Variants in SAMD5 observed in about 807,000 individuals in gnomAD.
SAMD5 encodes the protein sterile alpha motif domain containing 5.
A neutral mutation model predicts 11.3 loss-of-function variants in SAMD5; 13 were observed. The ratio of observed to expected loss-of-function variants is 1.15; its 90% CI spans 0.75 to 1.83. SAMD5 has a LOEUF of 1.83. Ranked by LOEUF, SAMD5 falls within the 40% of genes most tolerant of loss-of-function variation. The pLI, the probability that SAMD5 is intolerant of heterozygous loss-of-function variation, is 0.00. For missense variants in SAMD5, 255 were observed against 239.1 expected (o/e 1.07, Z -0.44); for synonymous variants, 129 against 111.3 (o/e 1.16, Z -1.00).
intron 1 of SAMD5, among the ~76,000 whole-genome samples, chr6:147,521,303 C>A (rs1419339223): frequency 1.3e-5 from 2 of 151,908 alleles, no homozygotes; most frequent in African/African-American, 4.8e-5. Flanking sequence ...TGGTCTTAGA[C>A]CACTTCTTGT....
chr6:147,925,891 G>A, the SAMD5 span, among the ~76,000 whole-genome samples: 1 of 151,984 alleles, frequency 6.6e-6, no homozygotes, highest in African/African-American at 2.4e-5. Flanking sequence ...GTGTTCACTA[G>A]AAACATCTCA....
At chr6:147,703,382 A>T (rs781660490) in intron 1 of SAMD5, among the ~76,000 whole-genome samples, 1 of 152,106 alleles carries the variant, frequency 6.6e-6, no homozygotes, top group African/African-American at 2.4e-5. Flanking sequence ...ACTCACTTGT[A>T]ATTTGAATAG....
chr6:147,652,073 A>G (rs1469877022), intron 1 of SAMD5, among the ~76,000 whole-genome samples: 1 of 152,222 alleles, frequency 6.6e-6, no homozygotes, highest in Non-Finnish European at 1.5e-5. Context: ...ACGTATCTTA[A>G]TTGGTCAAAA....
the SAMD5 span, among the ~76,000 whole-genome samples, chr6:147,806,315 C>T: frequency 2.1e-4 from 26 of 126,754 alleles, no homozygotes; most frequent in East Asian, 4.6e-4. Flanking sequence ...CGCGCGCGCG[C>T]GCGCACACAC....
the SAMD5 span, among the ~76,000 whole-genome samples, chr6:147,769,171 ACAAAG>A: frequency 6.6e-6 from 1 of 152,242 alleles, no homozygotes; most frequent in African/African-American, 2.4e-5. Context: ...GAATTCAGAC[ACAAAG>A]CAAAGAGACT....
At chr6:147,807,142 C>CTTTGTTTTTTG in the SAMD5 span, among the ~76,000 whole-genome samples, 1 of 152,228 alleles carries the variant, frequency 6.6e-6, no homozygotes, top group South Asian at 2.1e-4. Context: ...CTCTGTCACC[C>CTTTGTTTTTTG]AGGCTGGAGT....
intron 1 of SAMD5, among the ~76,000 whole-genome samples, chr6:147,667,536 T>G (rs1221959748): frequency 1.9e-4 from 29 of 152,246 alleles, no homozygotes; most frequent in Admixed American, 1.9e-3. Context: ...GTTTGCATTT[T>G]CTGTGTGCAA....
intron 1 of SAMD5, among the ~76,000 whole-genome samples, chr6:147,595,205 A>T (rs1789511478): frequency 6.6e-6 from 1 of 152,238 alleles, no homozygotes; most frequent in Admixed American, 6.5e-5. Flanking sequence ...ATACATTTGG[A>T]ATGTTTGCAC....
the SAMD5 span, among the ~76,000 whole-genome samples, chr6:147,944,398 G>T: frequency 2.6e-5 from 4 of 152,280 alleles, no homozygotes; most frequent in South Asian, 6.2e-4. Context: ...GAGAGCTTGT[G>T]CAGGGAAACT....
Position 147,669,135 on chromosome 6 carries a change from A to G in SAMD5, c.163-68182A>G, listed in dbSNP as rs115383080. On this transcript the variant is annotated intron_variant, in intron 1 of 1. Transcript: ENST00000566741. Reference sequence around the variant, plus strand: ...CAATGGACTCTTCCTTTCGTGAAAGACTTCTCTGTAGCATGTGATGCTATG... The same window carrying G: ...CAATGGACTCTTCCTTTCGTGAAAGGCTTCTCTGTAGCATGTGATGCTATG... Among the ~76,000 whole-genome samples, 608 of 152,252 alleles carry G rather than the reference A, an allele frequency of 4.0e-3. 4 individuals carry two copies. Among genetic ancestry groups the G allele is most frequent in the African/African-American group, 0.014 (580 of 41,554 alleles).
At chr6:147,598,134 T>C (rs1336781932) in intron 1 of SAMD5, among the ~76,000 whole-genome samples, 1 of 152,046 alleles carries the variant, frequency 6.6e-6, no homozygotes, top group Non-Finnish European at 1.5e-5. Context: ...TTGATTTTGT[T>C]TTATTTTTGA....
intron 1 of SAMD5, among the ~76,000 whole-genome samples, chr6:147,557,080 T>A (rs75112863): frequency 0.025 from 3,831 of 152,306 alleles, 92 homozygotes; most frequent in African/African-American, 0.065. Flanking sequence ...CATATAGTTT[T>A]TAATGTATTT....
intron 1 of SAMD5, among the ~76,000 whole-genome samples, chr6:147,677,019 AAG>A (rs1790873759): frequency 6.9e-6 from 1 of 145,732 alleles, no homozygotes; most frequent in Non-Finnish European, 1.5e-5. Context: ...TTCTTTCTTA[AAG>A]AAAGACAGTG....
intron 1 of SAMD5, among the ~76,000 whole-genome samples, chr6:147,698,371 C>T (rs1047049588): frequency 6.6e-6 from 1 of 152,178 alleles, no homozygotes. Flanking sequence ...AAGCCGCAAA[C>T]ATTCAGCCCA....
rs1376009747 is a variant in SAMD5 at position 147,569,880 on chromosome 6, A to T, written c.*5424A>T. 3 of 984,252 alleles carry T rather than the reference A, an allele frequency of 3.0e-6. No individual in the cohort carries two copies. In the African/African-American group the frequency reaches 5.2e-5, roughly 17 times the overall value. The allele number at this position is 984,252 out of a possible 1,614,324, so 61.0% of individuals were successfully genotyped here. On this transcript the variant is annotated 3_prime_UTR_variant, in exon 2 of 2. Transcript: ENST00000367474. ...CACTTTCTTTTCCCTTTCAGTTATT[A>T]TTTTTTTTAAAGGACGTTATGAGAA...
chr6:147,576,891 A>G (rs373124668), intron 1 of SAMD5, among the ~76,000 whole-genome samples: 29 of 152,366 alleles, frequency 1.9e-4, no homozygotes, highest in South Asian at 8.3e-4. Context: ...TCCATTCCCC[A>G]AGGAGTATTA....
At chr6:147,639,651 G>T (rs1258995466) in intron 1 of SAMD5, among the ~76,000 whole-genome samples, 1 of 152,200 alleles carries the variant, frequency 6.6e-6, no homozygotes, top group Non-Finnish European at 1.5e-5. Flanking sequence ...TAAGGCTTGT[G>T]TTCCTTCCTA....
chr6:147,636,996 G>A (rs1335463990), intron 1 of SAMD5, among the ~76,000 whole-genome samples: 2 of 152,096 alleles, frequency 1.3e-5, no homozygotes, highest in Non-Finnish European at 2.9e-5. Context: ...ATCTAGCCAA[G>A]TGAGAACAAT....
intron 1 of SAMD5, among the ~76,000 whole-genome samples, chr6:147,525,590 G>A (rs1272507143): frequency 2.0e-5 from 3 of 151,858 alleles, no homozygotes; most frequent in Non-Finnish European, 2.9e-5. Context: ...GTTGTTACTG[G>A]CAATGGAAAG....
Sources: gnomAD v4.1 joint callset for allele counts (sites outside exome capture counted in the v4.1 genomes callset) on GRCh38, gnomAD v4.1.1 for gene constraint, MANE v1.5 for transcripts, NCBI Gene and HGNC (gene_info 2026-07-23, HGNC 2026-07-21) for gene names.